The following FRMD5 variants were observed in gnomAD, a reference collection of about 807,000 sequenced individuals.
FRMD5 encodes FERM domain containing 5, also known as FERM domain-containing protein 5.
Under a neutral mutation model 69.0 loss-of-function variants are expected in FRMD5, and 20 were observed. That is an observed-to-expected ratio of 0.29 (90% CI 0.20 to 0.42). The LOEUF (loss-of-function observed/expected upper bound fraction) is 0.42. FRMD5 is among the 10% of genes least tolerant of loss of function. FRMD5 has a pLI of 1.00. For missense variants in FRMD5, 595 were observed against 708.6 expected (o/e 0.84, Z 1.82); for synonymous variants, 271 against 260.1 (o/e 1.04, Z -0.40).
chr15:44,066,223 A>G (rs1035441085), intron 1 of FRMD5, among the ~76,000 whole-genome samples: 2 of 152,278 alleles, frequency 1.3e-5, no homozygotes, highest in Non-Finnish European at 2.9e-5. Context: ...GAAATACTCA[A>G]TTCAATAAAT....
intron 13 of FRMD5, among the ~76,000 whole-genome samples, chr15:43,875,363 A>AAATATAT (rs1366807150): frequency 3.8e-5 from 4 of 105,346 alleles, no homozygotes; most frequent in East Asian, 3.0e-4. Context: ...AAAAAAAAAA[A>AAATATAT]ATATATATAT....
At chr15:43,994,320 A>G (rs576641516) in intron 1 of FRMD5, among the ~76,000 whole-genome samples, 1 of 152,328 alleles carries the variant, frequency 6.6e-6, no homozygotes, top group African/African-American at 2.4e-5. Context: ...TAAACTGGTA[A>G]CAACTTTGAA....
chr15:44,091,748 C>G (rs1047252131), intron 1 of FRMD5, among the ~76,000 whole-genome samples: 1 of 152,034 alleles, frequency 6.6e-6, no homozygotes, highest in Non-Finnish European at 1.5e-5. Context: ...AAACTCTAGG[C>G]CAGTGCTAAC....
chr15:44,010,658 T>G (rs1417018438), intron 1 of FRMD5, among the ~76,000 whole-genome samples: 1 of 152,326 alleles, frequency 6.6e-6, no homozygotes, highest in East Asian at 1.9e-4. Flanking sequence ...GTGCTGGGAT[T>G]ATAGGCGTGA....
In FRMD5 at chr15:44,012,278, C is replaced by A. The variant is rs1890753335; in HGVS notation, c.103-87969G>T. On this transcript the variant is annotated intron_variant, in intron 1 of 13. Coordinates refer to ENST00000417257, the MANE Select transcript of FRMD5 (RefSeq NM_032892.5). ...TGTAAGTGCACCACTGAATAAATGA[C>A]ACTTCCAAAGTCTTCCTGACTATCA... Among the ~76,000 whole-genome samples the A allele has an allele frequency of 2.0e-5, 3 of 152,210 alleles. No individual in the cohort carries two copies. The South Asian group carries it at 6.2e-4, about 32-fold the overall frequency.
At chr15:43,911,909 T>TA (rs1334338716) in intron 4 of FRMD5, among the ~76,000 whole-genome samples, 1 of 152,090 alleles carries the variant, frequency 6.6e-6, no homozygotes, top group Non-Finnish European at 1.5e-5. Context: ...TCCTAGCAGG[T>TA]AACTCTGAGA....
intron 1 of FRMD5, among the ~76,000 whole-genome samples, chr15:44,174,671 G>A (rs2077862772): frequency 6.6e-6 from 1 of 152,008 alleles, no homozygotes; most frequent in African/African-American, 2.4e-5. Flanking sequence ...ACAAATCTTG[G>A]TCAGAAGAGT....
intron 1 of FRMD5, among the ~76,000 whole-genome samples, chr15:44,145,140 C>T (rs2077337872): frequency 6.6e-6 from 1 of 152,314 alleles, no homozygotes; most frequent in Middle Eastern, 3.4e-3. Flanking sequence ...TGCTGCTTGA[C>T]AGCCCTACCT....
intron 13 of FRMD5, among the ~76,000 whole-genome samples, chr15:43,883,445 T>A (rs191802848): frequency 6.6e-6 from 1 of 152,126 alleles, no homozygotes; most frequent in Non-Finnish European, 1.5e-5. Flanking sequence ...ATGGAACCTA[T>A]AGATCCCACA....
chr15:44,007,633 AC>A (rs1890511215), intron 1 of FRMD5, among the ~76,000 whole-genome samples: 3 of 135,398 alleles, frequency 2.2e-5, no homozygotes, highest in East Asian at 2.2e-4. Flanking sequence ...TAATTAATTA[AC>A]TAATTTTTTT....
chr15:43,873,294 T>C lies in FRMD5; in HGVS notation c.*591A>G. 1 of 1,534,608 alleles carries C rather than the reference T, an allele frequency of 6.5e-7. No homozygotes were observed. The highest frequency in any genetic ancestry group is 2.1e-5 in the Admixed American group (1 of 46,776). ...CCATCATAAGAAGCAACTTTCCATT[T>C]AATCATTCTACATGGATGTTTACTT... On this transcript the variant is annotated 3_prime_UTR_variant, in exon 14 of 14. Coordinates refer to ENST00000417257, the MANE Select transcript of FRMD5 (RefSeq NM_032892.5).
At chr15:43,941,236 C>T (rs2089857941) in intron 1 of FRMD5, among the ~76,000 whole-genome samples, 1 of 152,122 alleles carries the variant, frequency 6.6e-6, no homozygotes, top group Non-Finnish European at 1.5e-5. Context: ...GGTGTGGTAA[C>T]GTGTGCCTGT....
intron 1 of FRMD5, among the ~76,000 whole-genome samples, chr15:43,998,995 G>C (rs2140163949): frequency 6.6e-6 from 1 of 152,286 alleles, no homozygotes; most frequent in East Asian, 1.9e-4. Flanking sequence ...AAATGCTAGG[G>C]ATAGGAAACA....
intron 1 of FRMD5, among the ~76,000 whole-genome samples, chr15:43,974,259 T>C (rs1274220387): frequency 1.3e-5 from 2 of 152,034 alleles, no homozygotes; most frequent in Non-Finnish European, 2.9e-5. Context: ...GTTTGCCAAA[T>C]GAAAAGGGTC....
intron 1 of FRMD5, among the ~76,000 whole-genome samples, chr15:44,155,805 G>A (rs2077518191): frequency 6.6e-6 from 1 of 151,920 alleles, no homozygotes; most frequent in South Asian, 2.1e-4. Flanking sequence ...ACGTTGGCCA[G>A]GCTGGTCTTG....
intron 1 of FRMD5, among the ~76,000 whole-genome samples, chr15:44,042,498 T>A (rs1595662292): frequency 1.3e-5 from 2 of 152,082 alleles, no homozygotes; most frequent in East Asian, 3.8e-4. Flanking sequence ...TAGGCCAATA[T>A]CCCTGATGAA....
chr15:43,947,828 T>C (rs1263151810), intron 1 of FRMD5, among the ~76,000 whole-genome samples: 2 of 152,242 alleles, frequency 1.3e-5, no homozygotes. Context: ...CAAACCCTAC[T>C]ACATTTCAAA....
intron 1 of FRMD5, among the ~76,000 whole-genome samples, chr15:44,169,724 T>C (rs1255719970): frequency 6.6e-6 from 1 of 152,190 alleles, no homozygotes; most frequent in African/African-American, 2.4e-5. Flanking sequence ...AAGGAAGTTT[T>C]TAGCCCCAAA....
chr15:43,922,749 C>T (rs1300490984), intron 2 of FRMD5, among the ~76,000 whole-genome samples: 2 of 151,286 alleles, frequency 1.3e-5, no homozygotes, highest in East Asian at 3.9e-4. Flanking sequence ...TGGCTCACTG[C>T]AACCTCCACC....
Sources: gnomAD v4.1 joint callset for allele counts (sites outside exome capture counted in the v4.1 genomes callset) on GRCh38, gnomAD v4.1.1 for gene constraint, MANE v1.5 for transcripts, NCBI Gene and HGNC (gene_info 2026-07-23, HGNC 2026-07-21) for gene names.